RALGPS2: variants seen among roughly 807,000 people sequenced by gnomAD.
RALGPS2 encodes Ral GEF with PH domain and SH3 binding motif 2.
Under a neutral mutation model 86.8 loss-of-function variants are expected in RALGPS2, and 43 were observed. The observed-to-expected ratio is 0.50, with a 90% CI of 0.39 to 0.64. RALGPS2 has a LOEUF of 0.64. Among genes scored for constraint, RALGPS2 ranks in the 30% least tolerant of loss-of-function variants. RALGPS2 has a pLI of 0.00. For missense variants in RALGPS2, 536 were observed against 694.6 expected, an observed-to-expected ratio of 0.77 and a Z score of 2.57; for synonymous variants, 243 against 231.3, an observed-to-expected ratio of 1.05 and a Z score of -0.46.
rs778800398 is a variant in RALGPS2 at position 178,865,094 on chromosome 1, T to C, written c.608-12404T>C. On this transcript the variant is annotated intron_variant, in intron 8 of 19. Transcript: ENST00000367635. ...ACCTCCCAGCAGACCAGGAGTATAC[T>C]GTTGGCTGTTAGGAATATGTTGTGG... The C allele has an allele frequency of 7.7e-6, 12 of 1,562,584 alleles. No individual in the cohort carries two copies. In the East Asian group the frequency reaches 2.7e-4, roughly 35 times the overall value.
chr1:178,918,033 G>A lies in RALGPS2; in HGVS notation c.*1674G>A, dbSNP rs1014453700. On this transcript the variant is annotated 3_prime_UTR_variant, in exon 20 of 20. Coordinates refer to ENST00000367635, the MANE Select transcript of RALGPS2 (RefSeq NM_152663.5). ...AGCTTAAAATCCATCCAAAGGAAAA[G>A]AGAAGAGCTTTTTTTGAGTGTTAAG... 8.5e-5 allele frequency: 13 copies of A among 152,082 alleles called. No individual in the cohort carries two copies. The highest frequency in any genetic ancestry group is 1.5e-4 in the Non-Finnish European group (10 of 68,006). 9.4% of individuals were successfully genotyped at this position (152,082 alleles called of 1,614,324 possible).
Position 178,916,492 on chromosome 1 carries a change from A to G in RALGPS2, c.*133A>G, listed in dbSNP as rs560958120. On this transcript the variant is annotated 3_prime_UTR_variant, in exon 20 of 20. Coordinates refer to ENST00000367635, the MANE Select transcript of RALGPS2 (RefSeq NM_152663.5). ...TCTGTCTCAGTCGTTGGAGTTCTCAACCAAAAAAGCACTAATTTCAGGGAA... is the reference window on the plus strand; with the variant it reads ...TCTGTCTCAGTCGTTGGAGTTCTCAGCCAAAAAAGCACTAATTTCAGGGAA... The G allele has an allele frequency of 3.9e-6, 3 of 775,112 alleles. No individual in the cohort carries two copies. Among genetic ancestry groups the G allele is most frequent in the Middle Eastern group, 2.3e-4 (1 of 4,260 alleles). 48.0% of individuals were successfully genotyped at this position (775,112 alleles called of 1,614,324 possible).
At chr1:178,834,943 A>G (rs1656202241) in intron 8 of RALGPS2, among the ~76,000 whole-genome samples, 1 of 152,096 alleles carries the variant, frequency 6.6e-6, no homozygotes, top group African/African-American at 2.4e-5. Context: ...ACGCCCAGCT[A>G]ATTTTTGTAT....
intron 1 of RALGPS2, among the ~76,000 whole-genome samples, chr1:178,731,213 T>C (rs1047032393): frequency 1.3e-5 from 2 of 151,064 alleles, no homozygotes; most frequent in Non-Finnish European, 3.0e-5. Flanking sequence ...AGGTATAGAA[T>C]TCCAAGGTAA....
intron 4 of RALGPS2, among the ~76,000 whole-genome samples, chr1:178,802,242 G>A (rs953191843): frequency 3.3e-5 from 5 of 151,900 alleles, no homozygotes; most frequent in African/African-American, 9.7e-5. Flanking sequence ...AATGTTATTA[G>A]GAAAAATACA....
chr1:178,855,296 CT>C (rs71677302), intron 8 of RALGPS2, among the ~76,000 whole-genome samples: 20,692 of 135,778 alleles, frequency 0.15, 2,343 homozygotes, highest in African/African-American at 0.33. Context: ...AGGACAGAGA[CT>C]TTTTTTTTTT....
chr1:178,878,052 G>A (rs1049157212), intron 9 of RALGPS2, among the ~76,000 whole-genome samples: 7 of 151,828 alleles, frequency 4.6e-5, no homozygotes, highest in East Asian at 3.8e-4. Context: ...TATGTAAATC[G>A]TTCTTACAGT....
intron 19 of RALGPS2, among the ~76,000 whole-genome samples, chr1:178,914,416 C>T (rs2102424740): frequency 1.3e-5 from 2 of 152,224 alleles, no homozygotes; most frequent in Middle Eastern, 3.4e-3. Flanking sequence ...CTCACCCCTT[C>T]CTTAGGAGCT....
At chr1:178,907,374 A>G (rs973286113) in intron 19 of RALGPS2, among the ~76,000 whole-genome samples, 2 of 152,246 alleles carry the variant, frequency 1.3e-5, no homozygotes, top group Admixed American at 6.5e-5. Context: ...GGCATATTAA[A>G]TTAATAAAAA....
intron 1 of RALGPS2, among the ~76,000 whole-genome samples, chr1:178,759,277 T>G (rs1380853200): frequency 6.6e-6 from 1 of 152,200 alleles, no homozygotes; most frequent in African/African-American, 2.4e-5. Context: ...CTAGTTCCAT[T>G]CTTCTATACA....
At chr1:178,782,787 G>A (rs985743453) in intron 2 of RALGPS2, among the ~76,000 whole-genome samples, 1 of 152,008 alleles carries the variant, frequency 6.6e-6, no homozygotes, top group East Asian at 1.9e-4. Flanking sequence ...GACAACAGAG[G>A]ATAAAAAAAT....
intron 8 of RALGPS2, chr1:178,865,764 TAA>T: frequency 6.3e-7 from 1 of 1,582,226 alleles, no homozygotes; most frequent in Non-Finnish European, 8.6e-7. Flanking sequence ...AGGGTCCAGG[TAA>T]AAGTCTTCAT....
intron 19 of RALGPS2, among the ~76,000 whole-genome samples, chr1:178,911,583 G>A (rs1473334229): frequency 1.3e-5 from 2 of 152,118 alleles, no homozygotes; most frequent in Non-Finnish European, 1.5e-5. Flanking sequence ...GCTATGGTTG[G>A]TATGATTTCA....
intron 8 of RALGPS2, among the ~76,000 whole-genome samples, chr1:178,837,970 G>A (rs182105798): frequency 1.1e-3 from 168 of 152,324 alleles, no homozygotes; most frequent in South Asian, 4.3e-3. Flanking sequence ...AGGCGGCAGC[G>A]AGGCTGGGGA....
chr1:178,766,181 T>TG (rs576825906), intron 1 of RALGPS2, among the ~76,000 whole-genome samples: 4 of 152,186 alleles, frequency 2.6e-5, no homozygotes, highest in Non-Finnish European at 5.9e-5. Context: ...AGTATTAATT[T>TG]GGGGAACTAA....
intron 8 of RALGPS2, chr1:178,851,360 G>C (rs769209866): frequency 6.6e-7 from 1 of 1,525,386 alleles, no homozygotes; most frequent in Non-Finnish European, 8.8e-7. Flanking sequence ...GTTTCTTCTA[G>C]GTGTGGTACT....
At chr1:178,899,444 A>G (rs987091536) in intron 17 of RALGPS2, among the ~76,000 whole-genome samples, 4 of 151,852 alleles carry the variant, frequency 2.6e-5, no homozygotes, top group African/African-American at 7.2e-5. Context: ...TATATTTGGT[A>G]TTAATCTTGA....
At chr1:178,864,327 A>G (rs181223493) in intron 8 of RALGPS2, among the ~76,000 whole-genome samples, 2 of 152,186 alleles carry the variant, frequency 1.3e-5, no homozygotes, top group East Asian at 3.9e-4. Context: ...ACACAGTACT[A>G]ATTGTTTAGC....
intron 7 of RALGPS2, among the ~76,000 whole-genome samples, chr1:178,824,321 G>A (rs1459385275): frequency 2.0e-5 from 3 of 152,156 alleles, no homozygotes; most frequent in African/African-American, 7.2e-5. Flanking sequence ...ACCTGGAAGG[G>A]AATGTGGGAC....
Sources: gnomAD v4.1 joint callset for allele counts (sites outside exome capture counted in the v4.1 genomes callset) on GRCh38, gnomAD v4.1.1 for gene constraint, MANE v1.5 for transcripts, NCBI Gene and HGNC (gene_info 2026-07-23, HGNC 2026-07-21) for gene names.